The following OSBP2 variants were observed in gnomAD, a reference collection of about 807,000 sequenced individuals.
OSBP2 encodes oxysterol-binding protein 2.
OSBP2 carries 66 observed loss-of-function variants against 96.0 expected under a neutral mutation model. The observed-to-expected ratio is 0.69, with a 90% CI of 0.56 to 0.84. The LOEUF is 0.84. Ranked by LOEUF, OSBP2 falls within the 40% of genes least tolerant of loss-of-function variation. The pLI is 0.00. For synonymous variants in OSBP2, 525 were observed against 520.9 expected (o/e 1.01, Z -0.11); for missense variants, 1,038 against 1,222.7 (o/e 0.85, Z 2.25).
Position 30,905,838 on chromosome 22 carries a change from G to C in OSBP2, c.2377G>C (p.Glu793Gln). Reference protein sequence around the residue: ...KLLWKKYPLPENAENMYYFSE... With the variant: ...KLLWKKYPLPQNAENMYYFSE... ...CCACCGCCACCACCACCGCCACAGGGAGAACGCGGAGAACATGTACTACTT... is the reference window on the plus strand; with the variant it reads ...CCACCGCCACCACCACCGCCACAGGCAGAACGCGGAGAACATGTACTACTT... The change falls in exon 13 of 14, where the codon GAG (glutamate) becomes CAG (glutamine). Residue 793 changes from glutamate to glutamine, a missense_variant and splice_region_variant. Glu to Gln is a conservative substitution (Grantham distance 29, BLOSUM62 2). Transcript: ENST00000332585. The C allele has an allele frequency of 1.2e-6, 2 of 1,612,792 alleles. No individual in the cohort carries two copies. The highest frequency in any genetic ancestry group is 1.7e-6 in the Non-Finnish European group (2 of 1,179,346).
chr22:30,694,322 C>T, upstream of OSBP2: 1 of 1,547,940 alleles, frequency 6.5e-7, no homozygotes. Flanking sequence ...CTTCTGGCGG[C>T]CGCAGGAGCG....
At chr22:30,697,951 A>T (rs1244595733) in intron 1 of OSBP2, among the ~76,000 whole-genome samples, 1 of 152,110 alleles carries the variant, frequency 6.6e-6, no homozygotes, top group Non-Finnish European at 1.5e-5. Context: ...GCCACCAGAG[A>T]TGAGTATATG....
At chr22:30,875,661 C>T (rs181371057) in intron 3 of OSBP2, among the ~76,000 whole-genome samples, 245 of 152,274 alleles carry the variant, frequency 1.6e-3, no homozygotes, top group Middle Eastern at 3.4e-3. Flanking sequence ...AGTGAGCCAC[C>T]GCGCCTGGCC....
intron 1 of OSBP2, among the ~76,000 whole-genome samples, chr22:30,721,867 C>T (rs924036426): frequency 6.6e-6 from 1 of 152,078 alleles, no homozygotes; most frequent in Admixed American, 6.6e-5. Flanking sequence ...AACTGGTTTT[C>T]GTTTTTAGAA....
Position 30,886,476 on chromosome 22 carries a change from C to CTCTT in OSBP2, c.1108-949_1108-946dup, listed in dbSNP as rs776987857. Reference sequence around the variant, plus strand: ...TCAGACCTTTAAAAAGGTGCTAAGACTCTTACTTCATCTCTTCAGGGTTGG... The same window carrying CTCTT: ...TCAGACCTTTAAAAAGGTGCTAAGACTCTTTCTTACTTCATCTCTTCAGGGTTGG... On this transcript the variant is annotated intron_variant, in intron 3 of 13. Transcript: ENST00000332585. Among the ~76,000 whole-genome samples the CTCTT allele has an allele frequency of 4.6e-5, 7 of 150,750 alleles. 1 individual carries two copies. In the East Asian group the frequency reaches 1.2e-3, roughly 25 times the overall value.
At chr22:30,830,287 T>C (rs772497519) in intron 2 of OSBP2, among the ~76,000 whole-genome samples, 2 of 152,228 alleles carry the variant, frequency 1.3e-5, no homozygotes, top group African/African-American at 2.4e-5. Context: ...TGTTGAGTAA[T>C]GATTCCTGAC....
rs758349102 is a variant in OSBP2 at position 30,889,177 on chromosome 22, C to T, written c.1419C>T (p.Ser473=). The change falls in exon 6 of 14, where the codon AGC becomes AGT. Residue 473 remains serine, a splice_region_variant and synonymous_variant. Transcript: ENST00000332585. The part of the protein sequence containing the change: ...ITVITEAKED[S]RKAEGSTGTS... ...CTTGCCTCCCGCTTTGTATTTCCAG[C>T]AGAAAAGCTGAAGGTAGCACCGGGA... The T allele has an allele frequency of 2.6e-5, 42 of 1,612,964 alleles. No individual in the cohort carries two copies. The South Asian group carries it at 3.8e-4, about 15-fold the overall frequency.
intron 2 of OSBP2, among the ~76,000 whole-genome samples, chr22:30,753,898 C>T (rs2090109267): frequency 6.6e-6 from 1 of 152,212 alleles, no homozygotes; most frequent in Non-Finnish European, 1.5e-5. Flanking sequence ...GCCTTTTCTC[C>T]AGCCAGTTTG....
chr22:30,843,833 A>C (rs2038810393), intron 2 of OSBP2, among the ~76,000 whole-genome samples: 1 of 151,326 alleles, frequency 6.6e-6, no homozygotes, highest in African/African-American at 2.4e-5. Flanking sequence ...GTGCCACTGC[A>C]CTCCAGCCTG....
intron 2 of OSBP2, among the ~76,000 whole-genome samples, chr22:30,853,407 C>T (rs2147065199): frequency 6.6e-6 from 1 of 152,300 alleles, no homozygotes; most frequent in Admixed American, 6.5e-5. Context: ...AGTTAAATCT[C>T]TTGTGAGTGC....
intron 1 of OSBP2, among the ~76,000 whole-genome samples, chr22:30,724,140 A>G (rs1310856840): frequency 6.6e-6 from 1 of 152,184 alleles, no homozygotes; most frequent in Non-Finnish European, 1.5e-5. Context: ...ATCACACAGT[A>G]TATACAGTAT....
chr22:30,708,736 C>T (rs918573323), intron 1 of OSBP2, among the ~76,000 whole-genome samples: 11 of 151,048 alleles, frequency 7.3e-5, no homozygotes, highest in African/African-American at 2.7e-4. Flanking sequence ...GATCCGCCCA[C>T]TTCAGCCTCC....
chr22:30,857,149 C>T (rs1008784804), intron 2 of OSBP2, among the ~76,000 whole-genome samples: 1 of 152,210 alleles, frequency 6.6e-6, no homozygotes, highest in African/African-American at 2.4e-5. Context: ...CTGCAGCAGC[C>T]CCCCTGGCAG....
At chr22:30,778,331 A>ACACACACACACC (rs957647622) in intron 2 of OSBP2, among the ~76,000 whole-genome samples, 9 of 151,146 alleles carry the variant, frequency 6.0e-5, no homozygotes, top group African/African-American at 2.2e-4. Context: ...ACACACACAC[A>ACACACACACACC]CACCCACTGA....
At chr22:30,724,478 C>G (rs1397205340) in intron 1 of OSBP2, among the ~76,000 whole-genome samples, 1 of 152,182 alleles carries the variant, frequency 6.6e-6, no homozygotes, top group Non-Finnish European at 1.5e-5. Flanking sequence ...ACCTTGGCCT[C>G]CCAAAGTGCT....
rs988043625 is a variant in OSBP2, at chr22:30,698,908, T to C, written c.644+3355T>C. Reference sequence around the variant, plus strand: ...CCATTTTATTTAATTTTATCTCATCTAGGTGTAATATTTAAAAGTCCATAT... The same window carrying C: ...CCATTTTATTTAATTTTATCTCATCCAGGTGTAATATTTAAAAGTCCATAT... On this transcript the variant is annotated intron_variant, in intron 1 of 13. Transcript: ENST00000332585. 6.6e-5 allele frequency among the ~76,000 whole-genome samples: 10 copies of C among 152,252 alleles called. No homozygotes were observed. The South Asian group carries it at 1.0e-3, about 16-fold the overall frequency.
At position 30,761,276 on chromosome 22, in the gene OSBP2, A is replaced by C. The variant is rs149114885; in HGVS notation, c.853+19907A>C. Among the ~76,000 whole-genome samples, 922 of 152,380 alleles carry C rather than the reference A, an allele frequency of 6.1e-3. 8 individuals are homozygous for C. Among genetic ancestry groups the C allele is most frequent in the African/African-American group, 0.021 (871 of 41,588 alleles). ...CAAGGTCACAGAATACAAGGTCAGTACATAAAGGCCAGTCATATTTCTGTG... is the reference window on the plus strand; with the variant it reads ...CAAGGTCACAGAATACAAGGTCAGTCCATAAAGGCCAGTCATATTTCTGTG... On this transcript the variant is annotated intron_variant, in intron 2 of 13. Transcript: ENST00000332585.
chr22:30,793,616 T>C (rs1247792591), intron 2 of OSBP2, among the ~76,000 whole-genome samples: 1 of 152,074 alleles, frequency 6.6e-6, no homozygotes, highest in East Asian at 1.9e-4. Flanking sequence ...CAAAACCCCA[T>C]CTCTGCAAAA....
chr22:30,877,744 C>T (rs1457474170), intron 3 of OSBP2, among the ~76,000 whole-genome samples: 1 of 152,222 alleles, frequency 6.6e-6, no homozygotes, highest in East Asian at 1.9e-4. Flanking sequence ...CCAGTCCCTG[C>T]AGGCGGGGCC....
Sources: gnomAD v4.1 joint callset for allele counts (sites outside exome capture counted in the v4.1 genomes callset) on GRCh38, gnomAD v4.1.1 for gene constraint, MANE v1.5 for transcripts, NCBI Gene and HGNC (gene_info 2026-07-23, HGNC 2026-07-21) for gene names.